Variants in FAM222A observed in about 807,000 individuals in gnomAD.
FAM222A encodes family with sequence similarity 222 member A.
A neutral mutation model predicts 25.8 loss-of-function variants in FAM222A; 7 were observed. The ratio of observed to expected loss-of-function variants is 0.27; its 90% confidence interval spans 0.15 to 0.51. The LOEUF is 0.51. Ranked by LOEUF, FAM222A falls within the 20% of genes least tolerant of loss-of-function variation. The probability of loss-of-function intolerance (pLI) is 0.97; values close to 1 mark genes in which losing one functional copy is unlikely to be tolerated. For missense variants in FAM222A, 573 were observed against 640.5 expected (o/e 0.89, Z 1.14); for synonymous variants, 294 against 298.8 (o/e 0.98, Z 0.17).
At chr12:109,718,577 C>T (rs961082954) in intron 1 of FAM222A, among the ~76,000 whole-genome samples, 1 of 152,236 alleles carries the variant, frequency 6.6e-6, no homozygotes, top group African/African-American at 2.4e-5. Flanking sequence ...CTGCTCTCTC[C>T]CAGCAGCGGC....
At chr12:109,722,263 G>C (rs1363573621) in intron 1 of FAM222A, among the ~76,000 whole-genome samples, 1 of 152,182 alleles carries the variant, frequency 6.6e-6, no homozygotes, top group Non-Finnish European at 1.5e-5. Flanking sequence ...AAGGAGCCAG[G>C]GCTGGCCTGG....
At chr12:109,751,895 G>A (rs919609835) in intron 2 of FAM222A, among the ~76,000 whole-genome samples, 5 of 152,050 alleles carry the variant, frequency 3.3e-5, no homozygotes, top group African/African-American at 1.2e-4. Context: ...TTTTTGTTTA[G>A]GGGTTTAGCA....
intron 2 of FAM222A, among the ~76,000 whole-genome samples, chr12:109,747,819 C>T (rs769486711): frequency 2.0e-5 from 3 of 152,140 alleles, no homozygotes; most frequent in Non-Finnish European, 4.4e-5. Context: ...TCAATTTAGG[C>T]GCTTGGGTTT....
At chr12:109,735,312 T>G (rs985409039) in intron 1 of FAM222A, among the ~76,000 whole-genome samples, 1 of 152,174 alleles carries the variant, frequency 6.6e-6, no homozygotes, top group African/African-American at 2.4e-5. Flanking sequence ...AACCCCGTGG[T>G]CCTGGACAGC....
At chr12:109,727,475 C>A (rs1178775662) in intron 1 of FAM222A, among the ~76,000 whole-genome samples, 1 of 152,148 alleles carries the variant, frequency 6.6e-6, no homozygotes, top group East Asian at 1.9e-4. Flanking sequence ...GCTCTTGTTT[C>A]CTGGGGGTCC....
chr12:109,719,656 C>G (rs7314921), intron 1 of FAM222A, among the ~76,000 whole-genome samples: 313 of 152,252 alleles, frequency 2.1e-3, no homozygotes, highest in African/African-American at 7.0e-3. Flanking sequence ...GTGGCTCTCC[C>G]CAGCATGGAG....
rs778268532 is a variant in FAM222A at position 109,744,120 on chromosome 12, A to G, written c.-27A>G. On this transcript the variant is annotated 5_prime_UTR_variant, in exon 2 of 3. Coordinates refer to ENST00000538780, the MANE Select transcript of FAM222A (RefSeq NM_032829.3). ...CTGCAGGGACCCAGTCGCAGAGCGCACCCCACTGGGGACCCCCAGCTCAGC... is the reference window on the plus strand; with the variant it reads ...CTGCAGGGACCCAGTCGCAGAGCGCGCCCCACTGGGGACCCCCAGCTCAGC... 2 of 1,609,224 alleles carry G rather than the reference A, an allele frequency of 1.2e-6. No homozygotes were observed. The highest frequency in any genetic ancestry group is 2.2e-5 in the South Asian group (2 of 90,850).
intron 1 of FAM222A, among the ~76,000 whole-genome samples, chr12:109,729,955 C>T (rs1341625601): frequency 1.3e-5 from 2 of 152,236 alleles, no homozygotes; most frequent in African/African-American, 2.4e-5. Context: ...ACAGCTAGCA[C>T]GTAGGGGAGC....
intron 1 of FAM222A, among the ~76,000 whole-genome samples, chr12:109,715,595 C>T (rs1347074735): frequency 1.3e-5 from 2 of 152,128 alleles, no homozygotes; most frequent in African/African-American, 4.8e-5. Flanking sequence ...CTCCCCCCAC[C>T]CCTACCATTG....
chr12:109,760,758 C>T (rs910342885), intron 2 of FAM222A, among the ~76,000 whole-genome samples: 25 of 152,306 alleles, frequency 1.6e-4, no homozygotes, highest in Middle Eastern at 3.4e-3. Context: ...GGGTTTGGCA[C>T]AGTGCCTGGC....
Position 109,768,885 on chromosome 12 carries a change from G to A in FAM222A, c.956G>A (p.Arg319Gln), listed in dbSNP as rs754643198. The change falls in exon 3 of 3, where the codon CGG becomes CAG. Residue 319 changes from arginine (R) to glutamine (Q), a missense_variant. Coordinates refer to ENST00000538780, the MANE Select transcript of FAM222A (RefSeq NM_032829.3). ...ASKSPEACGGRAYERASGSPL... is the reference protein window; with the variant it reads ...ASKSPEACGGQAYERASGSPL... The stretch of plus-strand genomic sequence containing the variant: ...AAGTCCCCTGAGGCTTGCGGGGGCC[G>A]GGCATACGAGCGGGCCAGCGGGTCA... 36 of 1,581,468 alleles carry A rather than the reference G, an allele frequency of 2.3e-5. No homozygotes were observed. Among genetic ancestry groups the A allele is most frequent in the Middle Eastern group, 3.3e-4 (2 of 5,994 alleles).
At position 109,714,411 on chromosome 12, in the gene FAM222A, C is replaced by T. The variant is rs825000; in HGVS notation, c.-533C>T. Reference sequence around the variant, plus strand: ...ACAATCCCTCCACCTCGGGGCGAACCCGGGGGCTGCAAGCCGCGGGCGGGC... The same window carrying T: ...ACAATCCCTCCACCTCGGGGCGAACTCGGGGGCTGCAAGCCGCGGGCGGGC... On this transcript the variant is annotated 5_prime_UTR_variant, in exon 1 of 3. Coordinates refer to ENST00000538780, the MANE Select transcript of FAM222A (RefSeq NM_032829.3). This position sits in a 1 kb window ranked among gnomAD's most constrained non-coding sequence, Gnocchi z 4.2. The T allele has an allele frequency of 0.04, 6,063 of 152,496 alleles. 166 individuals carry two copies. Among genetic ancestry groups the T allele is most frequent in the Non-Finnish European group, 0.055 (3,736 of 68,184 alleles). 9.4% of individuals were successfully genotyped at this position (152,496 alleles called of 1,614,324 possible).
At chr12:109,732,211 G>A (rs1887961482) in intron 1 of FAM222A, among the ~76,000 whole-genome samples, 1 of 152,238 alleles carries the variant, frequency 6.6e-6, no homozygotes, top group Admixed American at 6.5e-5. Flanking sequence ...TGAGTGCAGA[G>A]ACTGAGTGCC....
intron 1 of FAM222A, among the ~76,000 whole-genome samples, chr12:109,733,835 C>G (rs1428116302): frequency 1.3e-5 from 2 of 152,132 alleles, no homozygotes; most frequent in East Asian, 3.8e-4. Context: ...GCCAGCGTGT[C>G]TGAGCAGGAT....
At chr12:109,720,653 C>T (rs1255284903) in intron 1 of FAM222A, among the ~76,000 whole-genome samples, 2 of 152,258 alleles carry the variant, frequency 1.3e-5, no homozygotes, top group Non-Finnish European at 2.9e-5. Context: ...TTTATCCATC[C>T]GTTCATTCAG....
At chr12:109,740,465 G>A (rs889899037) in intron 1 of FAM222A, among the ~76,000 whole-genome samples, 2 of 152,186 alleles carry the variant, frequency 1.3e-5, no homozygotes, top group Non-Finnish European at 2.9e-5. Flanking sequence ...AGTGCTCCCT[G>A]GATGGTGCTT....
intron 2 of FAM222A, among the ~76,000 whole-genome samples, chr12:109,748,116 T>C (rs1888453153): frequency 6.6e-6 from 1 of 152,148 alleles, no homozygotes. Flanking sequence ...CAAAAGACTT[T>C]TCAGTGTTTA....
chr12:109,745,619 T>C (rs141796764), intron 2 of FAM222A, among the ~76,000 whole-genome samples: 60 of 152,358 alleles, frequency 3.9e-4, no homozygotes, highest in Middle Eastern at 6.8e-3. Context: ...ATCACACTTT[T>C]AGGTTTTGCT....
intron 1 of FAM222A, among the ~76,000 whole-genome samples, chr12:109,740,699 G>A (rs1251050923): frequency 2.0e-5 from 3 of 152,076 alleles, no homozygotes; most frequent in East Asian, 1.9e-4. Flanking sequence ...TCATTGATTC[G>A]GCCATTCATT....
Sources: allele counts gnomAD v4.1 joint callset (sites outside exome capture counted in the v4.1 genomes callset), GRCh38; gene constraint gnomAD v4.1.1; non-coding constraint Gnocchi (gnomAD v3.1); transcripts MANE v1.5; gene names NCBI Gene and HGNC (gene_info 2026-07-23, HGNC 2026-07-21).